Variants in UBAP1 observed in about 807,000 individuals in gnomAD.
The protein encoded by UBAP1 is ubiquitin-associated protein 1.
In UBAP1, 5 loss-of-function variants were observed where a neutral mutation model predicts 39.0. The observed-to-expected ratio is 0.13, with a 90% CI of 0.07 to 0.27. The LOEUF (loss-of-function observed/expected upper bound fraction) is 0.27, where lower values mean the gene tolerates loss of function less well. UBAP1 is among the 10% of genes least tolerant of loss of function. The pLI is 1.00. For missense variants in UBAP1, 490 were observed against 608.1 expected, an observed-to-expected ratio of 0.81 and a Z score of 2.04; for synonymous variants, 211 against 225.1, an observed-to-expected ratio of 0.94 and a Z score of 0.56.
rs533696349 is a variant in UBAP1 at position 34,208,084 on chromosome 9, T to C, written c.-7-12824T>C. 2.0e-5 allele frequency among the ~76,000 whole-genome samples: 3 copies of C among 152,358 alleles called. No homozygotes were observed. The South Asian group carries it at 6.2e-4, about 32-fold the overall frequency. On this transcript the variant is annotated intron_variant, in intron 1 of 6. Coordinates refer to ENST00000297661, the MANE Select transcript of UBAP1 (RefSeq NM_016525.5). ...AACTCATGTAAAGGAGATAGCCATA[T>C]GATTTTTCTTCTTTGAGCATTAATG...
chr9:34,249,130 G>A (rs567296969), intron 4 of UBAP1, among the ~76,000 whole-genome samples: 4 of 152,284 alleles, frequency 2.6e-5, no homozygotes, highest in African/African-American at 4.8e-5. Context: ...GGTGTGGCTA[G>A]TATGCCTTCT....
intron 2 of UBAP1, chr9:34,224,001 C>G: frequency 4.4e-6 from 2 of 458,956 alleles, no homozygotes; most frequent in Non-Finnish European, 8.0e-6. Context: ...CCTTTCCGGA[C>G]CTTGATTTTC....
At chr9:34,246,226 C>G (rs935830836) in intron 4 of UBAP1, among the ~76,000 whole-genome samples, 1 of 152,144 alleles carries the variant, frequency 6.6e-6, no homozygotes, top group South Asian at 2.1e-4. Context: ...GCCACCACAC[C>G]TGGCTAACTT....
chr9:34,197,195 G>A (rs369166647), intron 1 of UBAP1, among the ~76,000 whole-genome samples: 2 of 151,886 alleles, frequency 1.3e-5, no homozygotes, highest in African/African-American at 2.4e-5. Context: ...CAAAGTGCTG[G>A]AATTACAGAT....
At chr9:34,183,975 G>A (rs1490271150) in intron 1 of UBAP1, among the ~76,000 whole-genome samples, 1 of 151,878 alleles carries the variant, frequency 6.6e-6, no homozygotes, top group Admixed American at 6.6e-5. Flanking sequence ...TCTCCATGTT[G>A]GTCAGGCTGG....
chr9:34,179,518 A>G (rs932815259), intron 1 of UBAP1, among the ~76,000 whole-genome samples: 1 of 152,038 alleles, frequency 6.6e-6, no homozygotes, highest in Non-Finnish European at 1.5e-5. Flanking sequence ...GAAGACAGGC[A>G]TAGTAGACAT....
intron 1 of UBAP1, among the ~76,000 whole-genome samples, chr9:34,197,116 C>CG: frequency 6.6e-6 from 1 of 151,820 alleles, no homozygotes; most frequent in East Asian, 1.9e-4. Flanking sequence ...TTAGTAGAGA[C>CG]GGGGTTTCAC....
At chr9:34,208,513 C>G (rs1211859018) in intron 1 of UBAP1, among the ~76,000 whole-genome samples, 48 of 149,728 alleles carry the variant, frequency 3.2e-4, no homozygotes, top group Admixed American at 3.1e-3. Flanking sequence ...CGCGGTGGCT[C>G]ACGCCTGTAA....
intron 2 of UBAP1, among the ~76,000 whole-genome samples, chr9:34,226,123 G>GTGTT (rs1833060828): frequency 9.6e-6 from 1 of 104,578 alleles, no homozygotes; most frequent in African/African-American, 2.8e-5. Context: ...GTGTGTGTGT[G>GTGTT]TGTGTGTGTG....
intron 1 of UBAP1, among the ~76,000 whole-genome samples, chr9:34,184,926 CTTTTTTTTTTTTT>C (rs35634769): frequency 5.7e-5 from 6 of 105,032 alleles, no homozygotes; most frequent in Non-Finnish European, 9.8e-5. Flanking sequence ...CCAGCCAATC[CTTTTTTTTTTTTT>C]TTTTTTTTTT....
intron 2 of UBAP1, among the ~76,000 whole-genome samples, chr9:34,230,901 G>A (rs1287047338): frequency 6.6e-6 from 1 of 152,014 alleles, no homozygotes; most frequent in East Asian, 1.9e-4. Flanking sequence ...GTTGGAACTG[G>A]GTGTGATAGC....
intron 1 of UBAP1, among the ~76,000 whole-genome samples, chr9:34,192,383 C>T (rs1290861733): frequency 1.3e-5 from 2 of 151,778 alleles, no homozygotes; most frequent in African/African-American, 4.8e-5. Flanking sequence ...GGTATGGTGG[C>T]GCACGCCTGT....
intron 1 of UBAP1, among the ~76,000 whole-genome samples, chr9:34,182,391 G>C (rs1215431599): frequency 6.6e-6 from 1 of 151,258 alleles, no homozygotes; most frequent in Non-Finnish European, 1.5e-5. Context: ...CACAACGTTG[G>C]CCAGGCTGGT....
At chr9:34,225,456 G>A (rs1428247167) in intron 2 of UBAP1, among the ~76,000 whole-genome samples, 1 of 151,864 alleles carries the variant, frequency 6.6e-6, no homozygotes, top group Non-Finnish European at 1.5e-5. Flanking sequence ...TTTGGATAAG[G>A]ACTTTCTTGG....
rs57204146 is a variant in UBAP1 at position 34,216,642 on chromosome 9, A to ATTTT, written c.-7-4241_-7-4238dup. On this transcript the variant is annotated intron_variant, in intron 1 of 6. Coordinates refer to ENST00000297661, the MANE Select transcript of UBAP1 (RefSeq NM_016525.5). ...AGGCATGCACCACCACACCATGCTAATTTTTTTTTTTTTTTTTTTTTTTTT... is the reference window on the plus strand; with the variant it reads ...AGGCATGCACCACCACACCATGCTAATTTTTTTTTTTTTTTTTTTTTTTTTTTTT... Among the ~76,000 whole-genome samples the ATTTT allele has an allele frequency of 1.3e-3, 93 of 70,206 alleles. 2 individuals carry two copies. Among genetic ancestry groups the ATTTT allele is most frequent in the Admixed American group, 1.7e-3 (7 of 4,190 alleles). 46.1% of individuals were successfully genotyped at this position (70,206 alleles called of 152,430 possible).
At chr9:34,190,633 CTTTT>C (rs563281159) in intron 1 of UBAP1, among the ~76,000 whole-genome samples, 3 of 129,460 alleles carry the variant, frequency 2.3e-5, no homozygotes, top group Admixed American at 7.9e-5. Flanking sequence ...TTCTTTCTTT[CTTTT>C]TTTTTTTTTT....
At chr9:34,235,007 G>C (rs533046100) in intron 3 of UBAP1, among the ~76,000 whole-genome samples, 13 of 152,094 alleles carry the variant, frequency 8.5e-5, no homozygotes, top group Non-Finnish European at 1.9e-4. Context: ...AAGATGGGAA[G>C]GTGGAAGACA....
chr9:34,217,545 G>A (rs1832395613), intron 1 of UBAP1, among the ~76,000 whole-genome samples: 1 of 151,790 alleles, frequency 6.6e-6, no homozygotes, highest in Admixed American at 6.6e-5. Context: ...TGGTGGCGGT[G>A]GTGGTTTTTT....
rs762885191 is a variant in UBAP1 at position 34,179,065 on chromosome 9, C to A, written c.-183C>A. The A allele has an allele frequency of 7.0e-5, 90 of 1,278,374 alleles. No homozygotes were observed. The highest frequency in any genetic ancestry group is 8.8e-5 in the Non-Finnish European group (89 of 1,011,036). 79.2% of individuals were successfully genotyped at this position (1,278,374 alleles called of 1,614,324 possible). ...GGAGGGAAGTAGGACTTCAACATGG[C>A]GGCTGCGGCACTGGCGGTGGCTACG... is the stretch of plus-strand genomic sequence containing the variant. On this transcript the variant is annotated 5_prime_UTR_variant, in exon 1 of 7. Coordinates refer to ENST00000297661, the MANE Select transcript of UBAP1 (RefSeq NM_016525.5).
Sources: allele counts gnomAD v4.1 joint callset (sites outside exome capture counted in the v4.1 genomes callset), GRCh38; gene constraint gnomAD v4.1.1; transcripts MANE v1.5; gene names NCBI Gene and HGNC (gene_info 2026-07-23, HGNC 2026-07-21).